The following TTC3 variants were observed in gnomAD, a reference collection of about 807,000 sequenced individuals.
The protein encoded by TTC3 is E3 ubiquitin-protein ligase TTC3.
In TTC3, 180 loss-of-function variants were observed where a neutral mutation model predicts 249.6. The ratio of observed to expected loss-of-function variants is 0.72; its 90% CI spans 0.64 to 0.82. TTC3 has a LOEUF of 0.82. Ranked by LOEUF, TTC3 falls within the 40% of genes least tolerant of loss-of-function variation. The probability of loss-of-function intolerance (pLI) is 0.00; values close to 1 mark genes in which losing one functional copy is unlikely to be tolerated. For missense variants in TTC3, 2,061 were observed against 2,398.4 expected (o/e 0.86, Z 2.94); for synonymous variants, 717 against 805.0 (o/e 0.89, Z 1.85).
At chr21:37,193,749 G>A (rs2084502839) in intron 41 of TTC3, 2 of 152,206 alleles carry the variant, frequency 1.3e-5, no homozygotes, top group Non-Finnish European at 2.9e-5. Context: ...ACTGATGTGG[G>A]CTGTGCCCTC....
chr21:37,117,737 G>A (rs767510265), intron 11 of TTC3, among the ~76,000 whole-genome samples: 13 of 150,674 alleles, frequency 8.6e-5, no homozygotes, highest in Non-Finnish European at 1.6e-4. Flanking sequence ...GGGCATGGTG[G>A]CATGTGCCTA....
chr21:37,188,419 G>GT lies in TTC3; in HGVS notation c.4924-73dup, dbSNP rs1312422044. On this transcript the variant is annotated intron_variant, in intron 38 of 45. Coordinates refer to ENST00000355666, the Ensembl canonical transcript of TTC3. ...GGAGAAATGGGAAAGTGGTTTGAAT[G>GT]TTTAAGTTTTAACCTTTAAAATAGT... 4.4e-6 allele frequency: 5 copies of GT among 1,131,866 alleles called. No homozygotes were observed. In the African/African-American group the frequency reaches 4.6e-5, roughly 10 times the overall value. 70.1% of individuals were successfully genotyped at this position (1,131,866 alleles called of 1,614,324 possible). A position where few individuals can be genotyped will look rare whatever the true frequency, so the allele number is the denominator to read the frequency against.
rs925994691 is a variant in TTC3, at chr21:37,195,910, G to A, written c.5453G>A (p.Arg1818Gln). Reference sequence around the variant, plus strand: ...GCTGGCCAGGCAGCTCTGTCAGAACGAAGCCCTGTGGCTGATCGGAAGCAG... The same window carrying A: ...GCTGGCCAGGCAGCTCTGTCAGAACAAAGCCCTGTGGCTGATCGGAAGCAG... The change falls in exon 42 of 46, where the codon CGA becomes CAA. Residue 1818 changes from arginine (R) to glutamine (Q), a missense_variant. Transcript: ENST00000355666. 17 of 1,614,122 alleles carry A rather than the reference G, an allele frequency of 1.1e-5. No individual in the cohort carries two copies. The highest frequency in any genetic ancestry group is 5.5e-5 in the South Asian group (5 of 91,088).
rs1039301217 is a variant in TTC3 at position 37,134,446 on chromosome 21, C to T, written c.1444-934C>T. Among the ~76,000 whole-genome samples, 8 of 147,290 alleles carry T rather than the reference C, an allele frequency of 5.4e-5. 1 individual carries two copies. The highest frequency in any genetic ancestry group is 1.1e-4 in the Non-Finnish European group (7 of 65,994). The stretch of plus-strand genomic sequence containing the variant: ...CCTGGACGACAGAGCAAGACTCCAT[C>T]TCAAAAAAAAAAAGCCAGCAGAAGG... On this transcript the variant is annotated intron_variant, in intron 17 of 45. Coordinates refer to ENST00000355666, the Ensembl canonical transcript of TTC3.
At chr21:37,087,952 A>G (rs2072728072) in intron 3 of TTC3, 77 bp downstream of exon 3, 1 of 1,158,530 alleles carries the variant, frequency 8.6e-7, no homozygotes, top group Non-Finnish European at 1.3e-6. Context: ...TCATAGCAAT[A>G]CAACAGATTT....
At chr21:37,136,739 A>C (rs952425632) in intron 18 of TTC3, among the ~76,000 whole-genome samples, 2 of 152,256 alleles carry the variant, frequency 1.3e-5, no homozygotes, top group African/African-American at 4.8e-5. Context: ...TGGCTACGCT[A>C]AACAACAGAT....
At chr21:37,126,937 C>A (rs1230739808) in intron 15 of TTC3, among the ~76,000 whole-genome samples, 1 of 152,026 alleles carries the variant, frequency 6.6e-6, no homozygotes, top group African/African-American at 2.4e-5. Context: ...TCTCTGCAGC[C>A]TCTGCCTCCT....
intron 27 of TTC3, among the ~76,000 whole-genome samples, chr21:37,153,826 G>A (rs2079722639): frequency 6.6e-6 from 1 of 152,168 alleles, no homozygotes. Context: ...GAAAAATTTA[G>A]AGGCAAGAGT....
At chr21:37,147,690 A>G in intron 22 of TTC3, 87 bp downstream of exon 22, 3 of 1,477,042 alleles carry the variant, frequency 2.0e-6, no homozygotes, top group Non-Finnish European at 2.7e-6. Context: ...GAGGCACCCA[A>G]GTTCTCTGGC....
At chr21:37,169,988 A>G (rs1327015909) in intron 34 of TTC3, among the ~76,000 whole-genome samples, 2 of 152,216 alleles carry the variant, frequency 1.3e-5, no homozygotes, top group Admixed American at 1.3e-4. Flanking sequence ...ATACCAAAAT[A>G]AGTTCCAGGC....
At chr21:37,095,023 C>T (rs1445933916) in intron 8 of TTC3, among the ~76,000 whole-genome samples, 1 of 151,868 alleles carries the variant, frequency 6.6e-6, no homozygotes, top group East Asian at 1.9e-4. Context: ...GTAGTCCTAG[C>T]TACTTGGGAG....
chr21:37,087,750 C>A, intron 2 of TTC3, 83 bp from the exon 3 acceptor site: 1 of 1,114,740 alleles, frequency 9.0e-7, no homozygotes, highest in East Asian at 2.5e-5. Flanking sequence ...ACTGAAAGTT[C>A]TTTGGTTAGT....
At chr21:37,168,704 G>T (rs995926462) in intron 34 of TTC3, among the ~76,000 whole-genome samples, 1 of 146,654 alleles carries the variant, frequency 6.8e-6, no homozygotes, top group Non-Finnish European at 1.5e-5. Flanking sequence ...TATGTATATT[G>T]CTGTATATAT....
chr21:37,127,805 C>T (rs928831356), intron 15 of TTC3, among the ~76,000 whole-genome samples: 2 of 152,170 alleles, frequency 1.3e-5, no homozygotes, highest in Non-Finnish European at 2.9e-5. Flanking sequence ...TCCATAGATA[C>T]AGCTACTTAG....
Position 37,154,999 on chromosome 21 carries a change from T to C in TTC3, c.2741-1656T>C, listed in dbSNP as rs1327485340. On this transcript the variant is annotated intron_variant, in intron 27 of 45. Transcript: ENST00000355666. Reference sequence around the variant, plus strand: ...CGTCAGCCACCGCGCCCGGTCGATATAATCCATGTTTATTCTGTAGATTAA... The same window carrying C: ...CGTCAGCCACCGCGCCCGGTCGATACAATCCATGTTTATTCTGTAGATTAA... Among the ~76,000 whole-genome samples, 5 of 152,188 alleles carry C rather than the reference T, an allele frequency of 3.3e-5. No individual in the cohort carries two copies. In the East Asian group the frequency reaches 7.7e-4, roughly 23 times the overall value.
Position 37,090,587 on chromosome 21 carries a change from C to T in TTC3, c.480+301C>T, listed in dbSNP as rs554231618. On this transcript the variant is annotated intron_variant, in intron 6 of 45. Coordinates refer to ENST00000355666, the Ensembl canonical transcript of TTC3. ...TTCCCCAAATGAAATTATTAGGCCT[C>T]TGGTATGAATATTTTTTGTTATATA... 8.6e-6 allele frequency: 8 copies of T among 929,374 alleles called. No individual in the cohort carries two copies. The South Asian group carries it at 4.0e-4, about 46-fold the overall frequency. 57.6% of individuals were successfully genotyped at this position (929,374 alleles called of 1,614,324 possible). A position where few individuals can be genotyped will look rare whatever the true frequency, so the allele number is the denominator to read the frequency against.
At chr21:37,140,969 A>G (rs1185140361) in intron 20 of TTC3, among the ~76,000 whole-genome samples, 1 of 152,248 alleles carries the variant, frequency 6.6e-6, no homozygotes, top group Non-Finnish European at 1.5e-5. Flanking sequence ...GAGTGAATTG[A>G]TATAAACTAA....
chr21:37,192,255 C>A lies in TTC3; in HGVS notation c.5217+42C>A, dbSNP rs536970235. The A allele has an allele frequency of 6.9e-6, 9 of 1,312,820 alleles. No homozygotes were observed. The South Asian group carries it at 1.1e-4, about 17-fold the overall frequency. 81.3% of individuals were successfully genotyped at this position (1,312,820 alleles called of 1,614,324 possible). A position where few individuals can be genotyped will look rare whatever the true frequency, so the allele number is the denominator to read the frequency against. ...TTTTTTTTTTTTTTAAACCATAATT[C>A]ATTTGTTAACTGGCCAAAGTAGTTA... On this transcript the variant is annotated intron_variant, in intron 41 of 45. Coordinates refer to ENST00000355666, the Ensembl canonical transcript of TTC3.
At chr21:37,096,087 C>T (rs980219660) in intron 9 of TTC3, among the ~76,000 whole-genome samples, 3 of 152,148 alleles carry the variant, frequency 2.0e-5, no homozygotes, top group African/African-American at 7.2e-5. Context: ...AGGCTGCTGC[C>T]CTATTCTTTT....
Sources: allele counts gnomAD v4.1 joint callset (sites outside exome capture counted in the v4.1 genomes callset), GRCh38; gene constraint gnomAD v4.1.1; transcripts MANE v1.5; gene names NCBI Gene and HGNC (gene_info 2026-07-23, HGNC 2026-07-21).